Variants in ARHGEF16 observed in about 807,000 individuals in gnomAD.
ARHGEF16 encodes the protein Rho guanine nucleotide exchange factor 16.
Under a neutral mutation model 74.1 loss-of-function variants are expected in ARHGEF16, and 59 were observed. The observed-to-expected ratio is 0.80, with a 90% CI of 0.65 to 0.99. ARHGEF16 has a LOEUF of 0.99. ARHGEF16 is among the 50% of genes least tolerant of loss of function. The pLI is 0.00. For missense variants in ARHGEF16, 948 were observed against 986.6 expected (o/e 0.96, Z 0.52); for synonymous variants, 415 against 412.6 (o/e 1.01, Z -0.07).
In ARHGEF16 at chr1:3,467,113, G is replaced by A. The variant is rs756952635; in HGVS notation, c.635-55G>A. On this transcript the variant is annotated intron_variant, in intron 3 of 14. Transcript: ENST00000378378. ...GGACTCAGCTGGCGGGTTGCAGGGA[G>A]GCGCAGCCTTTTGCAATCCCCCAGG... is the stretch of plus-strand genomic sequence containing the variant. 682 of 1,505,560 alleles carry A rather than the reference G, an allele frequency of 4.5e-4. 4 individuals carry two copies. Among genetic ancestry groups the A allele is most frequent in the Middle Eastern group, 3.3e-3 (19 of 5,760 alleles). The allele number at this position is 1,505,560 out of a possible 1,614,324, so 93.3% of individuals were successfully genotyped here.
rs574430691 is a variant in ARHGEF16, at chr1:3,478,261, G to A, written c.1626-163G>A. 70 of 949,170 alleles carry A rather than the reference G, an allele frequency of 7.4e-5. No individual in the cohort carries two copies. The South Asian group carries it at 8.1e-4, about 11-fold the overall frequency. 58.8% of individuals were successfully genotyped at this position (949,170 alleles called of 1,614,324 possible). A position where few individuals can be genotyped will look rare whatever the true frequency, so the allele number is the denominator to read the frequency against. ...CCGGTGATAGCCACGAGGAGGACTC[G>A]AAAGCCATGGCCTCTGTTCTGTGGG... On this transcript the variant is annotated intron_variant, in intron 11 of 14. Transcript: ENST00000378378.
At chr1:3,478,349 G>A in intron 11 of ARHGEF16, 75 bp from the exon 12 acceptor site, 2 of 1,478,616 alleles carry the variant, frequency 1.4e-6, no homozygotes, top group Non-Finnish European at 1.8e-6. Context: ...AGCCGGGTGG[G>A]ACCTGGACGG....
At chr1:3,471,553 G>A in intron 6 of ARHGEF16, 1 of 884,728 alleles carries the variant, frequency 1.1e-6, no homozygotes, top group Non-Finnish European at 1.4e-6. Context: ...GAGGGGGAGG[G>A]GTCTGGGATA....
intron 10 of ARHGEF16, 76 bp from the exon 11 acceptor site, chr1:3,477,799 T>A: frequency 7.0e-7 from 1 of 1,435,950 alleles, no homozygotes; most frequent in South Asian, 1.2e-5. Context: ...CTTGACCCCC[T>A]GGGGACCTGC....
chr1:3,469,242 G>C (rs1639636090), intron 5 of ARHGEF16, among the ~76,000 whole-genome samples, 191 bp from the exon 6 acceptor site: 1 of 152,170 alleles, frequency 6.6e-6, no homozygotes, highest in African/African-American at 2.4e-5. Context: ...ACCCAGCCAG[G>C]GGCATCCAGG....
At chr1:3,479,995 G>A in intron 14 of ARHGEF16, 82 bp downstream of exon 14, 1 of 1,384,002 alleles carries the variant, frequency 7.2e-7, no homozygotes, top group Non-Finnish European at 1.0e-6. Flanking sequence ...CAGGTCCAGA[G>A]CATGCCGGGC....
At chr1:3,465,452 G>A (rs928289194) in intron 2 of ARHGEF16, among the ~76,000 whole-genome samples, 6 of 152,092 alleles carry the variant, frequency 3.9e-5, no homozygotes, top group East Asian at 1.9e-4. Flanking sequence ...CCGAAGGGGG[G>A]CTGGGGGAGT....
rs1009273018 is a variant in ARHGEF16, at chr1:3,469,537, G to C, written c.966G>C (p.Gln322His). 6 of 1,613,168 alleles carry C rather than the reference G, an allele frequency of 3.7e-6. No homozygotes were observed. Among genetic ancestry groups the C allele is most frequent in the South Asian group, 1.1e-5 (1 of 91,086 alleles). ...AGGAGCTGCGGGCGACCGTGACCCA[G>C]ATGGAGCACCACCACCTCTTCTCCA... Reference protein sequence around the residue: ...QSKELRATVTQMEHHHLFSNI... With the variant: ...QSKELRATVTHMEHHHLFSNI... The change falls in exon 6 of 15, where the codon CAG (glutamine) becomes CAC (histidine). Residue 322 changes from glutamine (Q) to histidine (H), a missense_variant. Coordinates refer to ENST00000378378, the MANE Select transcript of ARHGEF16 (RefSeq NM_014448.4).
chr1:3,455,572 G>A lies in ARHGEF16; in HGVS notation c.-20+761G>A, dbSNP rs1428999095. ...GGGGACTGAGGGAGTGGCAGCGATGGCAGGTCTTGGTGACCTCTGCTTCTG... is the reference window on the plus strand; with the variant it reads ...GGGGACTGAGGGAGTGGCAGCGATGACAGGTCTTGGTGACCTCTGCTTCTG... On this transcript the variant is annotated intron_variant, in intron 1 of 14. Transcript: ENST00000378378. Among the ~76,000 whole-genome samples, 3 of 152,280 alleles carry A rather than the reference G, an allele frequency of 2.0e-5. No individual in the cohort carries two copies. In the East Asian group the frequency reaches 5.8e-4, roughly 29 times the overall value.
At chr1:3,469,183 C>T (rs1377352470) in intron 5 of ARHGEF16, among the ~76,000 whole-genome samples, 1 of 152,204 alleles carries the variant, frequency 6.6e-6, no homozygotes, top group Non-Finnish European at 1.5e-5. Flanking sequence ...TCACCCCCTT[C>T]TCTGACAAGG....
At chr1:3,477,265 A>G (rs1054941417) in intron 10 of ARHGEF16, among the ~76,000 whole-genome samples, 2 of 7,476 alleles carry the variant, frequency 2.7e-4, no homozygotes, top group Non-Finnish European at 5.4e-4. Context: ...CCTCCCCCCC[A>G]CCCTGTACTG....
chr1:3,477,029 C>T (rs1639897236), intron 10 of ARHGEF16, among the ~76,000 whole-genome samples: 1 of 151,994 alleles, frequency 6.6e-6, no homozygotes, highest in Non-Finnish European at 1.5e-5. Flanking sequence ...GGCTCTCACC[C>T]CCACATGGTC....
chr1:3,476,209 C>A, intron 10 of ARHGEF16, 147 bp downstream of exon 10: 2 of 778,738 alleles, frequency 2.6e-6, no homozygotes, highest in South Asian at 1.9e-5. Context: ...CCTCCTAGGG[C>A]TGGTGGCTCT....
At position 3,478,554 on chromosome 1, in the gene ARHGEF16, A is replaced by T. The variant is rs1222991518; in HGVS notation, c.1756A>T (p.Thr586Ser). The change falls in exon 12 of 15, where the codon ACC becomes TCC. Residue 586 changes from threonine to serine, a missense_variant. Physicochemically the swap from Thr to Ser is moderately conservative, Grantham distance 58. Coordinates refer to ENST00000378378, the MANE Select transcript of ARHGEF16 (RefSeq NM_014448.4). ...CTCCGTGCCCCACCCCTTCCAGGTG[A>T]CCCTGCTTCGCAACAGCGAGGGCCG... ...SSSVPHPFQV[T>S]LLRNSEGRQE... 1.9e-6 allele frequency: 3 copies of T among 1,612,550 alleles called. No homozygotes were observed. Among genetic ancestry groups the T allele is most frequent in the Non-Finnish European group, 2.5e-6 (3 of 1,179,818 alleles).
intron 4 of ARHGEF16, among the ~76,000 whole-genome samples, chr1:3,467,692 C>T (rs534792999): frequency 1.6e-4 from 25 of 152,302 alleles, no homozygotes; most frequent in Non-Finnish European, 2.8e-4. Context: ...ATGGGAGGGG[C>T]CGGGACTTGG....
chr1:3,471,455 TCC>T (rs1639720147), intron 6 of ARHGEF16, among the ~76,000 whole-genome samples: 2 of 151,868 alleles, frequency 1.3e-5, no homozygotes, highest in Admixed American at 6.5e-5. Context: ...AGCCGCCTTG[TCC>T]CTGGAGACAG....
At chr1:3,470,449 TTG>T (rs1176083825) in intron 6 of ARHGEF16, among the ~76,000 whole-genome samples, 8 of 140,076 alleles carry the variant, frequency 5.7e-5, no homozygotes, top group Admixed American at 2.1e-4. Context: ...GTATGCATGG[TTG>T]TGTGTGCGCG....
At chr1:3,476,119 C>T in intron 10 of ARHGEF16, 57 bp downstream of exon 10, 3 of 1,511,680 alleles carry the variant, frequency 2.0e-6, no homozygotes, top group Non-Finnish European at 2.7e-6. Context: ...GCCCTCCCTG[C>T]TGGCCTGCGT....
intron 1 of ARHGEF16, among the ~76,000 whole-genome samples, chr1:3,456,835 C>A (rs1238193584): frequency 6.6e-6 from 1 of 152,242 alleles, no homozygotes; most frequent in Non-Finnish European, 1.5e-5. Flanking sequence ...ATGTCTCATT[C>A]AGAGCCGGAG....
Sources: gnomAD v4.1 joint callset for allele counts (sites outside exome capture counted in the v4.1 genomes callset) on GRCh38, gnomAD v4.1.1 for gene constraint, MANE v1.5 for transcripts, NCBI Gene and HGNC (gene_info 2026-07-23, HGNC 2026-07-21) for gene names.